The following UCK2 variants were observed in gnomAD, a reference collection of about 807,000 sequenced individuals.
UCK2 encodes cytidine monophosphokinase 2.
A neutral mutation model predicts 30.8 loss-of-function variants in UCK2; 6 were observed. The observed-to-expected ratio is 0.19, with a 90% CI of 0.11 to 0.38. The LOEUF (loss-of-function observed/expected upper bound fraction) is 0.38, where lower values mean the gene tolerates loss of function less well. UCK2 is among the 10% of genes least tolerant of loss of function. UCK2 has a pLI of 1.00. For missense variants in UCK2, 210 were observed against 339.8 expected (o/e 0.62, Z 3.00); for synonymous variants, 125 against 133.6 (o/e 0.94, Z 0.45).
At chr1:165,865,607 C>G (rs895310222) in intron 1 of UCK2, among the ~76,000 whole-genome samples, 2 of 151,946 alleles carry the variant, frequency 1.3e-5, no homozygotes, top group Non-Finnish European at 2.9e-5. Flanking sequence ...TTTTAAACAT[C>G]TTTCCCACAC....
intron 1 of UCK2, among the ~76,000 whole-genome samples, chr1:165,883,499 T>C (rs566944842): frequency 7.9e-5 from 12 of 152,326 alleles, no homozygotes; most frequent in African/African-American, 1.9e-4. Flanking sequence ...GAATAAAAAC[T>C]TAGTCACACT....
intron 1 of UCK2, among the ~76,000 whole-genome samples, chr1:165,886,525 G>T (rs1397832257): frequency 6.6e-6 from 1 of 152,142 alleles, no homozygotes; most frequent in Non-Finnish European, 1.5e-5. Flanking sequence ...GAACTCCTGG[G>T]CTCAAGTGAT....
At chr1:165,877,566 G>A (rs1370104189) in intron 1 of UCK2, among the ~76,000 whole-genome samples, 1 of 152,138 alleles carries the variant, frequency 6.6e-6, no homozygotes, top group Non-Finnish European at 1.5e-5. Context: ...ACAATTCTCT[G>A]GAGATTCGTG....
intron 3 of UCK2, among the ~76,000 whole-genome samples, chr1:165,891,889 C>T (rs1469845185): frequency 1.3e-5 from 2 of 151,974 alleles, no homozygotes; most frequent in East Asian, 3.9e-4. Flanking sequence ...ACCTCATCCT[C>T]CTTCCCTTTG....
At position 165,827,812 on chromosome 1, in the gene UCK2, G is replaced by C. The variant is rs1557828965; in HGVS notation, c.-22G>C. On this transcript the variant is annotated 5_prime_UTR_variant, in exon 1 of 7. Transcript: ENST00000367879. ...GCGTGCGTCCGTTCGCACAGGCAGC[G>C]GGAGGAGGGGCGGCGCGAACCATGG... The C allele has an allele frequency of 9.3e-6, 13 of 1,402,868 alleles. No individual in the cohort carries two copies. Among genetic ancestry groups the C allele is most frequent in the Non-Finnish European group, 1.1e-5 (12 of 1,068,032 alleles). The allele number at this position is 1,402,868 out of a possible 1,614,324, so 86.9% of individuals were successfully genotyped here. A position where few individuals can be genotyped will look rare whatever the true frequency, so the allele number is the denominator to read the frequency against.
intron 1 of UCK2, among the ~76,000 whole-genome samples, chr1:165,889,748 C>T (rs553114488): frequency 1.4e-5 from 2 of 138,234 alleles, no homozygotes; most frequent in African/African-American, 2.7e-5. Flanking sequence ...CATAGGTAAA[C>T]TTGTGTCACA....
At chr1:165,875,712 T>C (rs1655316638) in intron 1 of UCK2, among the ~76,000 whole-genome samples, 1 of 152,164 alleles carries the variant, frequency 6.6e-6, no homozygotes, top group African/African-American at 2.4e-5. Context: ...TGGTTTATTA[T>C]AAAGGATATT....
chr1:165,874,147 G>GAC (rs1655275446), intron 1 of UCK2, among the ~76,000 whole-genome samples: 1 of 151,912 alleles, frequency 6.6e-6, no homozygotes, highest in Non-Finnish European at 1.5e-5. Flanking sequence ...AAACAAAAGA[G>GAC]ACAGGGGTAG....
At chr1:165,878,335 CTT>C (rs35804765) in intron 1 of UCK2, among the ~76,000 whole-genome samples, 48 of 143,990 alleles carry the variant, frequency 3.3e-4, no homozygotes, top group Non-Finnish European at 4.6e-4. Context: ...TTCTTTCTTT[CTT>C]TTTTTTTTTT....
chr1:165,862,435 G>A (rs1462562142), intron 1 of UCK2, among the ~76,000 whole-genome samples: 1 of 152,224 alleles, frequency 6.6e-6, no homozygotes, highest in African/African-American at 2.4e-5. Context: ...GTCCTTTGGT[G>A]TAAAAACCCC....
intron 1 of UCK2, among the ~76,000 whole-genome samples, chr1:165,886,554 C>G (rs1010854736): frequency 6.6e-6 from 1 of 152,214 alleles, no homozygotes; most frequent in African/African-American, 2.4e-5. Context: ...CCTAGCTTCT[C>G]AAGTCACTGG....
At chr1:165,882,070 G>A (rs564740017) in intron 1 of UCK2, among the ~76,000 whole-genome samples, 2 of 152,254 alleles carry the variant, frequency 1.3e-5, no homozygotes, top group South Asian at 4.1e-4. Context: ...TCCCTCTCCT[G>A]GGTACTACTT....
rs547826977 is a variant in UCK2, at chr1:165,911,452, C to T, written c.*3629C>T. On this transcript the variant is annotated 3_prime_UTR_variant, in exon 7 of 7. Coordinates refer to ENST00000367879, the MANE Select transcript of UCK2 (RefSeq NM_012474.5). Reference sequence around the variant, plus strand: ...GCAGGGAGTGCCTACCCAGTCCTGCCTCAGGAGCAGGGTGAGTAGCTAAAT... The same window carrying T: ...GCAGGGAGTGCCTACCCAGTCCTGCTTCAGGAGCAGGGTGAGTAGCTAAAT... 1 of 152,178 alleles carries T rather than the reference C, an allele frequency of 6.6e-6. No individual in the cohort carries two copies. The highest frequency in any genetic ancestry group is 1.5e-5 in the Non-Finnish European group (1 of 68,042). The allele number at this position is 152,178 out of a possible 1,614,324, so 9.4% of individuals were successfully genotyped here.
At chr1:165,873,121 AG>A (rs1655244026) in intron 1 of UCK2, among the ~76,000 whole-genome samples, 1 of 152,252 alleles carries the variant, frequency 6.6e-6, no homozygotes, top group South Asian at 2.1e-4. Context: ...CGAACAGAAA[AG>A]AAAACCAAAA....
chr1:165,896,597 C>CCAGT (rs1422126232), intron 4 of UCK2, among the ~76,000 whole-genome samples: 1 of 152,240 alleles, frequency 6.6e-6, no homozygotes, highest in African/African-American at 2.4e-5. Flanking sequence ...CTAAATAAGA[C>CCAGT]ACTGACATCT....
intron 1 of UCK2, among the ~76,000 whole-genome samples, chr1:165,831,796 C>T (rs755210862): frequency 6.6e-6 from 1 of 152,084 alleles, no homozygotes; most frequent in Non-Finnish European, 1.5e-5. Flanking sequence ...GATGGAATCT[C>T]ACTCTGTCAC....
intron 1 of UCK2, among the ~76,000 whole-genome samples, chr1:165,874,218 C>G (rs1056741712): frequency 1.3e-5 from 2 of 152,158 alleles, no homozygotes; most frequent in African/African-American, 4.8e-5. Context: ...TCACCTGGGC[C>G]ATTTCCTGGG....
intron 1 of UCK2, among the ~76,000 whole-genome samples, chr1:165,850,077 T>C (rs1166351384): frequency 1.3e-5 from 2 of 152,206 alleles, no homozygotes; most frequent in Middle Eastern, 3.2e-3. Context: ...TCCTTAGATC[T>C]AAGTTGAGGA....
intron 1 of UCK2, among the ~76,000 whole-genome samples, chr1:165,878,795 T>C (rs1557843352): frequency 6.6e-6 from 1 of 152,364 alleles, no homozygotes; most frequent in East Asian, 1.9e-4. Context: ...CGCAAGTTTT[T>C]GTGTGAACAT....
Sources: allele counts gnomAD v4.1 joint callset (sites outside exome capture counted in the v4.1 genomes callset), GRCh38; gene constraint gnomAD v4.1.1; transcripts MANE v1.5; gene names NCBI Gene and HGNC (gene_info 2026-07-23, HGNC 2026-07-21).